Variants in SSBP3 observed in about 807,000 individuals in gnomAD.
SSBP3 encodes the protein single-stranded DNA-binding protein 3.
SSBP3 carries 5 observed loss-of-function variants against 69.6 expected under a neutral mutation model. That is an observed-to-expected ratio of 0.07 (90% CI 0.04 to 0.15). The LOEUF is 0.15. Among genes scored for constraint, SSBP3 ranks in the 10% least tolerant of loss-of-function variants. The pLI is 1.00. For synonymous variants in SSBP3, 196 were observed against 193.4 expected (o/e 1.01, Z -0.11); for missense variants, 312 against 534.0 (o/e 0.58, Z 4.10).
intron 4 of SSBP3, among the ~76,000 whole-genome samples, chr1:54,389,525 C>T (rs968483692): frequency 2.0e-5 from 3 of 152,054 alleles, no homozygotes; most frequent in African/African-American, 7.2e-5. Flanking sequence ...CAAACCACTC[C>T]AGGCTGGGCA....
rs117003527 is a variant in SSBP3, at chr1:54,260,902, A to T, written c.367-2753T>A. 1.0e-3 allele frequency among the ~76,000 whole-genome samples: 157 copies of T among 152,354 alleles called. 2 individuals carry two copies. In the East Asian group the frequency reaches 0.021, roughly 21 times the overall value. On this transcript the variant is annotated intron_variant, in intron 5 of 17. Transcript: ENST00000610401. Reference sequence around the variant, plus strand: ...AAAAATGATACCACATTCTTGACAGAGGCCAAGCTAAAAGCTCAGTGCCCA... The same window carrying T: ...AAAAATGATACCACATTCTTGACAGTGGCCAAGCTAAAAGCTCAGTGCCCA...
At chr1:54,277,969 T>C (rs1645321209) in intron 5 of SSBP3, among the ~76,000 whole-genome samples, 1 of 152,012 alleles carries the variant, frequency 6.6e-6, no homozygotes, top group Non-Finnish European at 1.5e-5. Flanking sequence ...GTAAAATCCA[T>C]CTGGATCCAA....
intron 4 of SSBP3, among the ~76,000 whole-genome samples, chr1:54,320,765 G>A (rs1646197496): frequency 6.6e-6 from 1 of 152,222 alleles, no homozygotes; most frequent in South Asian, 2.1e-4. Flanking sequence ...AGAAAGAGAA[G>A]GAGAGCAGAT....
At chr1:54,355,229 C>G (rs1178132896) in intron 4 of SSBP3, among the ~76,000 whole-genome samples, 1 of 152,244 alleles carries the variant, frequency 6.6e-6, no homozygotes, top group Non-Finnish European at 1.5e-5. Flanking sequence ...GCTGGGCACA[C>G]AGCAGACATG....
chr1:54,340,727 AC>A, intron 4 of SSBP3, among the ~76,000 whole-genome samples: 1 of 152,272 alleles, frequency 6.6e-6, no homozygotes, highest in East Asian at 1.9e-4. Context: ...GAGGCAGGAG[AC>A]AGAAACGACG....
At chr1:54,334,119 C>T (rs1261325194) in intron 4 of SSBP3, among the ~76,000 whole-genome samples, 4 of 151,630 alleles carry the variant, frequency 2.6e-5, no homozygotes, top group African/African-American at 4.9e-5. Flanking sequence ...TTTGGGAGGC[C>T]GAGGCGGGCG....
exon 1 of SSBP3, chr1:54,406,112 G>C: frequency 1.1e-6 from 1 of 888,182 alleles, no homozygotes; most frequent in Non-Finnish European, 1.6e-6. Context: ...CCTCCCCGGC[G>C]CTCGCTCGCT....
At chr1:54,317,687 A>G (rs1646138181) in intron 4 of SSBP3, among the ~76,000 whole-genome samples, 1 of 152,186 alleles carries the variant, frequency 6.6e-6, no homozygotes, top group Admixed American at 6.5e-5. Context: ...AAACGTGTCC[A>G]AAGTTGTCTA....
intron 4 of SSBP3, among the ~76,000 whole-genome samples, chr1:54,339,879 A>G (rs1157770444): frequency 2.0e-5 from 3 of 152,100 alleles, no homozygotes; most frequent in Non-Finnish European, 4.4e-5. Context: ...GTGCCACTTC[A>G]CTCCAGCACG....
At chr1:54,232,929 T>G (rs1459796533) in intron 14 of SSBP3, among the ~76,000 whole-genome samples, 1 of 152,098 alleles carries the variant, frequency 6.6e-6, no homozygotes, top group Non-Finnish European at 1.5e-5. Flanking sequence ...CTCGGCTCGC[T>G]ACAACCTCCA....
chr1:54,257,649 G>A (rs1465993646), intron 6 of SSBP3, among the ~76,000 whole-genome samples: 4 of 152,132 alleles, frequency 2.6e-5, no homozygotes, highest in Admixed American at 2.6e-4. Context: ...GACTGGGGGG[G>A]AAACGCCAAG....
exon 9 of SSBP3, chr1:54,251,637 C>T: frequency 6.4e-7 from 1 of 1,551,876 alleles, no homozygotes; most frequent in Non-Finnish European, 8.7e-7. Flanking sequence ...GACCCATGGG[C>T]CCCATGCCTC....
In SSBP3 at chr1:54,386,820, G is replaced by T. The variant is rs138720445; in HGVS notation, c.276+15041C>A. Among the ~76,000 whole-genome samples the T allele has an allele frequency of 2.2e-3, 332 of 150,210 alleles. 4 individuals carry two copies. Among genetic ancestry groups the T allele is most frequent in the African/African-American group, 7.9e-3 (322 of 40,684 alleles). ...CCTCCTGAGTAGCTGGACTATAGGC[G>T]CACACCACCTCACCCAGTTGAACTG... On this transcript the variant is annotated intron_variant, in intron 4 of 17. Transcript: ENST00000610401.
In SSBP3 at chr1:54,258,867, G is replaced by T. The variant is rs932958239; in HGVS notation, c.367-718C>A. On this transcript the variant is annotated intron_variant, in intron 5 of 17. Coordinates refer to ENST00000610401, the Ensembl canonical transcript of SSBP3. The surrounding 1 kb of genome is among the most constrained non-coding windows in gnomAD (Gnocchi z 4.5). ...CTTCAAAGCAGCCCTGTGAGGCGGG[G>T]TTTCTCATTCCAATTTTTACTGATG... Among the ~76,000 whole-genome samples the T allele has an allele frequency of 2.6e-5, 4 of 152,192 alleles. No homozygotes were observed. The highest frequency in any genetic ancestry group is 5.9e-5 in the Non-Finnish European group (4 of 68,038).
intron 4 of SSBP3, among the ~76,000 whole-genome samples, chr1:54,303,764 G>A (rs986600879): frequency 2.6e-5 from 4 of 152,226 alleles, no homozygotes; most frequent in Admixed American, 2.6e-4. Context: ...GACTGCAAAG[G>A]CAGTTTGGGG....
intron 4 of SSBP3, among the ~76,000 whole-genome samples, chr1:54,300,192 C>T (rs1645776297): frequency 6.6e-6 from 1 of 152,144 alleles, no homozygotes; most frequent in South Asian, 2.1e-4. Context: ...CCCTCAAAGA[C>T]CCTCTCCAAC....
intron 9 of SSBP3, among the ~76,000 whole-genome samples, chr1:54,251,171 T>C (rs1196912827): frequency 6.6e-6 from 1 of 152,142 alleles, no homozygotes; most frequent in African/African-American, 2.4e-5. Context: ...GACAGACACA[T>C]GCTAAGTCGC....
Position 54,257,201 on chromosome 1 carries a change from A to C in SSBP3, c.448-15T>G, listed in dbSNP as rs775805139. 3.1e-6 allele frequency: 5 copies of C among 1,589,074 alleles called. No homozygotes were observed. The Admixed American group carries it at 7.3e-5, about 23-fold the overall frequency. ...GACATAAAAGGCTGCAATTATAGGT[A>C]ATTAGTTCAATGACAGCCTGCCCTA... On this transcript the variant is annotated splice_polypyrimidine_tract_variant and intron_variant, in intron 6 of 17. Transcript: ENST00000610401.
chr1:54,396,194 A>AAAG (rs1491543603), intron 4 of SSBP3, among the ~76,000 whole-genome samples: 5 of 76,100 alleles, frequency 6.6e-5, no homozygotes, highest in African/African-American at 4.9e-4. Flanking sequence ...TCCATCTCAG[A>AAAG]AAAAAAAAAA....
Sources: allele counts gnomAD v4.1 joint callset (sites outside exome capture counted in the v4.1 genomes callset), GRCh38; gene constraint gnomAD v4.1.1; non-coding constraint Gnocchi (gnomAD v3.1); transcripts MANE v1.5; gene names NCBI Gene and HGNC (gene_info 2026-07-23, HGNC 2026-07-21).